The following COL4A4 variants were observed in gnomAD, a reference collection of about 807,000 sequenced individuals.
COL4A4 encodes the protein collagen alpha-4(IV) chain.
A neutral mutation model predicts 192.9 loss-of-function variants in COL4A4; 105 were observed. The observed-to-expected ratio is 0.54, with a 90% CI of 0.46 to 0.64. The LOEUF is 0.64. COL4A4 is among the 30% of genes least tolerant of loss of function. The pLI is 0.00. For synonymous variants in COL4A4, 762 were observed against 769.9 expected (o/e 0.99, Z 0.17); for missense variants, 1,967 against 2,169.3 (o/e 0.91, Z 1.85).
chr2:227,003,902 A>C lies in COL4A4; in HGVS notation c.*3423T>G, dbSNP rs1961524871. On this transcript the variant is annotated 3_prime_UTR_variant, in exon 48 of 48. Transcript: ENST00000396625. ...AAAGCTTATCAATTGGCTTTCTGGCAATAATTGTAACAAGAGAATGTGGGT... is the reference window on the plus strand; with the variant it reads ...AAAGCTTATCAATTGGCTTTCTGGCCATAATTGTAACAAGAGAATGTGGGT... 1 of 152,220 alleles carries C rather than the reference A, an allele frequency of 6.6e-6. No homozygotes were observed. The highest frequency in any genetic ancestry group is 6.5e-5 in the Admixed American group (1 of 15,286). 9.4% of individuals were successfully genotyped at this position (152,220 alleles called of 1,614,324 possible). A position where few individuals can be genotyped will look rare whatever the true frequency, so the allele number is the denominator to read the frequency against.
chr2:227,088,829 T>C lies in COL4A4; in HGVS notation c.1460-13A>G, dbSNP rs776665372. 1.2e-6 allele frequency: 2 copies of C among 1,613,960 alleles called. No individual in the cohort carries two copies. Among genetic ancestry groups the C allele is most frequent in the Non-Finnish European group, 1.7e-6 (2 of 1,179,974 alleles). On this transcript the variant is annotated splice_polypyrimidine_tract_variant and intron_variant, in intron 21 of 47. Coordinates refer to ENST00000396625, the MANE Select transcript of COL4A4 (RefSeq NM_000092.5). ...AGTCCTTCATTTCCTAGACAGAGGA[T>C]CAATGGCAGATTTGTCATATTTCCT...
At chr2:227,127,275 A>G (rs1417249808) in intron 4 of COL4A4, among the ~76,000 whole-genome samples, 2 of 152,220 alleles carry the variant, frequency 1.3e-5, no homozygotes, top group African/African-American at 4.8e-5. Flanking sequence ...AGCTGAGGAG[A>G]CTTTGGCATG....
intron 46 of COL4A4, among the ~76,000 whole-genome samples, chr2:227,009,284 G>A (rs929838875): frequency 7.2e-5 from 11 of 152,258 alleles, no homozygotes; most frequent in African/African-American, 1.9e-4. Context: ...AACTGTCCCC[G>A]TCAGCATATC....
chr2:227,107,160 C>T (rs10933168), intron 12 of COL4A4, among the ~76,000 whole-genome samples: 11,715 of 152,210 alleles, frequency 0.077, 713 homozygotes, highest in East Asian at 0.3. Context: ...GTCATTTCTA[C>T]AAGCCAGAGA....
At chr2:226,982,297 G>A in the COL4A4 span, among the ~76,000 whole-genome samples, 1 of 152,252 alleles carries the variant, frequency 6.6e-6, no homozygotes, top group Non-Finnish European at 1.5e-5. Flanking sequence ...CCAGGTGGCT[G>A]TCAGCTTTAA....
chr2:227,049,087 G>A (rs1973504434), intron 34 of COL4A4, among the ~76,000 whole-genome samples: 1 of 152,162 alleles, frequency 6.6e-6, no homozygotes. Context: ...TGAATTTACA[G>A]CTAGTTACGC....
At chr2:227,034,524 T>C (rs2150003465) in intron 37 of COL4A4, among the ~76,000 whole-genome samples, 1 of 151,982 alleles carries the variant, frequency 6.6e-6, no homozygotes, top group Middle Eastern at 3.4e-3. Context: ...CAGTAGATCT[T>C]CCACCCAGTA....
intron 22 of COL4A4, among the ~76,000 whole-genome samples, chr2:227,084,830 G>A (rs945757108): frequency 2.6e-5 from 4 of 152,206 alleles, no homozygotes; most frequent in African/African-American, 9.6e-5. Context: ...AAGCCCAGCA[G>A]CAACAAAAAC....
chr2:226,969,774 T>C, the COL4A4 span, among the ~76,000 whole-genome samples: 2 of 152,226 alleles, frequency 1.3e-5, no homozygotes, highest in Non-Finnish European at 2.9e-5. Flanking sequence ...TGTGATTTCA[T>C]GTTTGAAGTC....
intron 4 of COL4A4, among the ~76,000 whole-genome samples, chr2:227,128,904 G>A (rs767758066): frequency 5.9e-5 from 9 of 151,832 alleles, no homozygotes; most frequent in Non-Finnish European, 1.2e-4. Context: ...TCTCCTTTCC[G>A]CACACCCGCC....
At chr2:227,064,936 C>T (rs573694909) in intron 25 of COL4A4, among the ~76,000 whole-genome samples, 1 of 152,094 alleles carries the variant, frequency 6.6e-6, no homozygotes, top group South Asian at 2.1e-4. Context: ...GCGCGCGCGA[C>T]GCAGAAGACG....
chr2:226,994,791 CTG>C, the COL4A4 span, among the ~76,000 whole-genome samples: 6 of 152,182 alleles, frequency 3.9e-5, no homozygotes, highest in East Asian at 5.8e-4. Flanking sequence ...TCATTACAAA[CTG>C]TGTTTTTGGT....
rs556110423 is a variant in COL4A4, at chr2:227,070,144, A to C, written c.1988-7546T>G. ...TGCTCACCATCACTGGCCATCAGAG[A>C]AATGCAAATCAAAACCACAATGAGA... On this transcript the variant is annotated intron_variant, in intron 25 of 47. Coordinates refer to ENST00000396625, the MANE Select transcript of COL4A4 (RefSeq NM_000092.5). 1.3e-3 allele frequency among the ~76,000 whole-genome samples: 196 copies of C among 151,288 alleles called. 1 individual carries two copies. The highest frequency in any genetic ancestry group is 4.2e-3 in the African/African-American group (172 of 41,150).
intron 4 of COL4A4, among the ~76,000 whole-genome samples, chr2:227,124,694 T>C (rs1336035143): frequency 6.6e-6 from 1 of 152,208 alleles, no homozygotes; most frequent in Admixed American, 6.5e-5. Context: ...CAACTTACAA[T>C]AGGTGACTGC....
intron 4 of COL4A4, among the ~76,000 whole-genome samples, chr2:227,136,298 T>C (rs548560607): frequency 6.6e-6 from 1 of 152,292 alleles, no homozygotes; most frequent in South Asian, 2.1e-4. Context: ...CTGACTGTGA[T>C]GAGCAGAAAG....
At chr2:227,022,269 C>G (rs1403508154) in intron 43 of COL4A4, 96 bp from the exon 44 acceptor site, 7 of 1,382,832 alleles carry the variant, frequency 5.1e-6, no homozygotes, top group Non-Finnish European at 6.2e-6. Context: ...TGACACTATA[C>G]TGAAATTTAG....
At chr2:227,059,716 A>T (rs1976415175) in intron 27 of COL4A4, 93 bp from the exon 28 acceptor site, 1 of 977,624 alleles carries the variant, frequency 1.0e-6, no homozygotes, top group Admixed American at 1.9e-5. Flanking sequence ...TACTTTTCTT[A>T]AAAACACAGG....
In COL4A4 at chr2:227,004,151, T is replaced by C. The variant is rs1303052802; in HGVS notation, c.*3174A>G. 3.3e-5 allele frequency: 5 copies of C among 152,302 alleles called. No individual in the cohort carries two copies. Among genetic ancestry groups the C allele is most frequent in the Admixed American group, 6.5e-5 (1 of 15,288 alleles). The allele number at this position is 152,302 out of a possible 1,614,324, so 9.4% of individuals were successfully genotyped here. A position where few individuals can be genotyped will look rare whatever the true frequency, so the allele number is the denominator to read the frequency against. On this transcript the variant is annotated 3_prime_UTR_variant, in exon 48 of 48. Transcript: ENST00000396625. ...GCATGGTCCCTGCCCTCAAGGGGCT[T>C]GCATTTTGGCAATGGAATGAAGGAA...
intron 23 of COL4A4, among the ~76,000 whole-genome samples, 189 bp from the exon 24 acceptor site, chr2:227,080,738 T>C (rs2059281357): frequency 6.6e-6 from 1 of 152,144 alleles, no homozygotes; most frequent in Non-Finnish European, 1.5e-5. Context: ...CCATTGAATC[T>C]CTTTACTTGG....
Sources: allele counts gnomAD v4.1 joint callset (sites outside exome capture counted in the v4.1 genomes callset), GRCh38; gene constraint gnomAD v4.1.1; transcripts MANE v1.5; gene names NCBI Gene and HGNC (gene_info 2026-07-23, HGNC 2026-07-21).